Variants in NOD2 observed in about 807,000 individuals in gnomAD.
NOD2 encodes nucleotide binding oligomerization domain containing 2, also known as nucleotide-binding oligomerization domain-containing protein 2.
Under a neutral mutation model 90.9 loss-of-function variants are expected in NOD2, and 86 were observed. The observed-to-expected ratio is 0.95, with a 90% confidence interval of 0.79 to 1.13. The LOEUF (loss-of-function observed/expected upper bound fraction) is 1.13. Among genes scored for constraint, NOD2 ranks in the 50% most tolerant of loss-of-function variants. NOD2 has a pLI of 0.00. For synonymous variants in NOD2, 581 were observed against 554.6 expected (o/e 1.05, Z -0.67); for missense variants, 1,238 against 1,283.8 (o/e 0.96, Z 0.55).
In NOD2 at chr16:50,731,835, G is replaced by A. The variant is rs1188816382; in HGVS notation, c.*16G>A. 2 of 1,603,392 alleles carry A rather than the reference G, an allele frequency of 1.2e-6. No homozygotes were observed. The highest frequency in any genetic ancestry group is 1.7e-5 in the Admixed American group (1 of 59,988). On this transcript the variant is annotated 3_prime_UTR_variant, in exon 12 of 12. Transcript: ENST00000647318. Reference sequence around the variant, plus strand: ...CTTGCTTTGAAGTCTCCGGGAGGATGTTCGTCTCAGTTTGTTTGTGAGCAG... The same window carrying A: ...CTTGCTTTGAAGTCTCCGGGAGGATATTCGTCTCAGTTTGTTTGTGAGCAG...
At chr16:50,698,624 T>C (rs113315711) in intron 1 of NOD2, among the ~76,000 whole-genome samples, 33 of 152,254 alleles carry the variant, frequency 2.2e-4, no homozygotes, top group African/African-American at 7.7e-4. Flanking sequence ...CGTGTTGAAA[T>C]CCTGACTCTG....
In NOD2 at chr16:50,729,867, G is replaced by C. The variant is rs199883290; in HGVS notation, c.2935G>C (p.Ala979Pro). 2 of 1,613,110 alleles carry C rather than the reference G, an allele frequency of 1.2e-6. No individual in the cohort carries two copies. Among genetic ancestry groups the C allele is most frequent in the African/African-American group, 2.7e-5 (2 of 74,898 alleles). The change falls in exon 11 of 12, where the codon GCC becomes CCC. Residue 979 changes from alanine (A) to proline (P), a missense_variant. Transcript: ENST00000647318. ...CCTAGGGGCAGAAGCCCTCCTGCAG[G>C]CCCTTGAAAGGAATGACACCATCCT... ...TYLGAEALLQALERNDTILEV... is the reference protein window; with the variant it reads ...TYLGAEALLQPLERNDTILEV...
intron 2 of NOD2, among the ~76,000 whole-genome samples, chr16:50,704,539 T>TTC (rs1390727947): frequency 2.0e-5 from 3 of 151,898 alleles, no homozygotes; most frequent in Non-Finnish European, 2.9e-5. Flanking sequence ...AACCTTTTTT[T>TTC]TTTTTTCTTT....
chr16:50,716,609 G>C lies in NOD2; in HGVS notation c.2404G>C (p.Asp802His). The change falls in exon 5 of 12, where the codon GAC becomes CAC. Residue 802 changes from aspartate (D) to histidine (H), a missense_variant. Around this residue, in one of 3 missense-constraint regions of NOD2, gnomAD observed 667 missense variants for 688.7 expected, o/e 0.97. Coordinates refer to ENST00000647318, the MANE Select transcript of NOD2 (RefSeq NM_001370466.1). ...TAGTTTGCGCGATAACAATATCTCA[G>C]ACCGAGGCATCTGCAAGCTCATTGA... is the stretch of plus-strand genomic sequence containing the variant. ...ALYLRDNNISDRGICKLIECA... is the reference protein window; with the variant it reads ...ALYLRDNNISHRGICKLIECA... The C allele has an allele frequency of 6.2e-7, 1 of 1,614,104 alleles. No individual in the cohort carries two copies. Among genetic ancestry groups the C allele is most frequent in the Non-Finnish European group, 8.5e-7 (1 of 1,180,000 alleles).
In NOD2 at chr16:50,722,637, A is replaced by G; in HGVS notation, c.2649A>G (p.Arg883=). ...GCCTTTTCAGATTCTGGGGCAACAG[A>G]GTGGGTGACGAGGGGGCCCAGGCCC... ...SLQFLGFWGN[R]VGDEGAQALA... Residue 883 remains arginine (R), a synonymous_variant, in exon 8 of 12, where the codon AGA becomes AGG. Transcript: ENST00000647318. The G allele has an allele frequency of 6.2e-7, 1 of 1,614,214 alleles. No homozygotes were observed. Among genetic ancestry groups the G allele is most frequent in the Non-Finnish European group, 8.5e-7 (1 of 1,180,030 alleles).
chr16:50,698,467 C>G (rs1963766128), intron 1 of NOD2, among the ~76,000 whole-genome samples: 1 of 152,232 alleles, frequency 6.6e-6, no homozygotes, highest in South Asian at 2.1e-4. Flanking sequence ...TAATTTTTCA[C>G]TTCGCCTAGG....
chr16:50,697,716 A>C (rs1596820665), intron 1 of NOD2: 1 of 323,846 alleles, frequency 3.1e-6, no homozygotes, highest in Non-Finnish European at 6.1e-6. Context: ...AGGGGGGTAC[A>C]CCCTCTCTCC....
intron 10 of NOD2, among the ~76,000 whole-genome samples, chr16:50,727,111 GACTGGACAAGAGAGAA>G (rs1965292638): frequency 7.1e-6 from 1 of 139,988 alleles, no homozygotes; most frequent in African/African-American, 2.7e-5. Flanking sequence ...TTGCACCCTA[GACTGGACAAGAGAGAA>G]ACTTCCATCT....
At chr16:50,726,134 T>C (rs1482221075) in intron 10 of NOD2, among the ~76,000 whole-genome samples, 1 of 152,144 alleles carries the variant, frequency 6.6e-6, no homozygotes, top group Non-Finnish European at 1.5e-5. Flanking sequence ...CCTCCTCCAG[T>C]GGCTGACTCA....
intron 1 of NOD2, chr16:50,697,584 C>G: frequency 1.9e-6 from 1 of 526,932 alleles, no homozygotes; most frequent in South Asian, 2.0e-5. Flanking sequence ...CTTTTTTGTC[C>G]TCTCTTCCCC....
chr16:50,717,574 G>A (rs1964857091), intron 6 of NOD2, among the ~76,000 whole-genome samples: 1 of 152,166 alleles, frequency 6.6e-6, no homozygotes, highest in Non-Finnish European at 1.5e-5. Flanking sequence ...GATTTGTGAG[G>A]CAGTAAAAAA....
At position 50,711,300 on chromosome 16, in the gene NOD2, C is replaced by A; in HGVS notation, c.1308C>A (p.Pro436=). 6.2e-7 allele frequency: 1 copy of A among 1,613,696 alleles called. No homozygotes were observed. Among genetic ancestry groups the A allele is most frequent in the Admixed American group, 1.7e-5 (1 of 60,028 alleles). Residue 436 remains proline (P), a synonymous_variant, in exon 4 of 12, where the codon CCC becomes CCA. Coordinates refer to ENST00000647318, the MANE Select transcript of NOD2 (RefSeq NM_001370466.1). Reference sequence around the variant, plus strand: ...ACCTGAGGAAGCGCCATCATGAGCCCGGGGTGGCGGACCGCCTCATCCGCC... The same window carrying A: ...ACCTGAGGAAGCGCCATCATGAGCCAGGGGTGGCGGACCGCCTCATCCGCC... The part of the protein sequence containing the change: ...ELYLRKRHHE[P]GVADRLIRLL...
chr16:50,694,109 G>A (rs1963536626), intron 1 of NOD2, among the ~76,000 whole-genome samples: 1 of 152,134 alleles, frequency 6.6e-6, no homozygotes. Flanking sequence ...TCCCCCAGCT[G>A]TTTGCTCTCC....
At chr16:50,728,358 G>A in intron 10 of NOD2, 1 of 372,664 alleles carries the variant, frequency 2.7e-6, no homozygotes. Flanking sequence ...CATTGCTGAT[G>A]TTGTGAGTTG....
At chr16:50,703,714 T>C (rs1330305082) in intron 2 of NOD2, among the ~76,000 whole-genome samples, 1 of 151,004 alleles carries the variant, frequency 6.6e-6, no homozygotes, top group African/African-American at 2.4e-5. Context: ...GAAAGGTTAC[T>C]ATTGCCTTTT....
Position 50,716,589 on chromosome 16 carries a change from T to C in NOD2, c.2384T>C (p.Leu795Ser), listed in dbSNP as rs1301012583. 6.2e-7 allele frequency: 1 copy of C among 1,613,970 alleles called. No individual in the cohort carries two copies. The highest frequency in any genetic ancestry group is 8.5e-7 in the Non-Finnish European group (1 of 1,179,858). ...PCLGVCKALY[L>S]RDNNISDRGI... is the part of the protein sequence containing the mutation. ...ATGTATTTATTTTGTCTCTTTAGTT[T>C]GCGCGATAACAATATCTCAGACCGA... Residue 795 changes from leucine to serine, a missense_variant and splice_region_variant, in exon 5 of 12, where the codon TTG becomes TCG. Leu to Ser is a moderately radical substitution (Grantham distance 145). Around this residue, in one of 3 missense-constraint regions of NOD2, gnomAD observed 667 missense variants for 688.7 expected, o/e 0.97. Coordinates refer to ENST00000647318, the MANE Select transcript of NOD2 (RefSeq NM_001370466.1).
At chr16:50,723,472 CA>C (rs1467568534) in intron 9 of NOD2, 88 bp downstream of exon 9, 2 of 1,151,090 alleles carry the variant, frequency 1.7e-6, no homozygotes, top group Non-Finnish European at 2.6e-6. Context: ...GTTGTGTGGA[CA>C]GACAAAGGTG....
chr16:50,697,039 T>G, intron 1 of NOD2: 1 of 622,456 alleles, frequency 1.6e-6, no homozygotes, highest in East Asian at 2.7e-5. Flanking sequence ...GCACAAGGCT[T>G]TGTGCCAGAA....
At chr16:50,697,532 G>A in intron 1 of NOD2, 2 of 644,476 alleles carry the variant, frequency 3.1e-6, no homozygotes, top group East Asian at 2.8e-5. Context: ...TGTTTCCACA[G>A]CTGAGAACCA....
Sources: allele counts gnomAD v4.1 joint callset (sites outside exome capture counted in the v4.1 genomes callset), GRCh38; gene constraint gnomAD v4.1.1; regional missense constraint gnomAD v4.1.1; transcripts MANE v1.5; gene names NCBI Gene and HGNC (gene_info 2026-07-23, HGNC 2026-07-21).